The following ATRNL1 variants were observed in gnomAD, a reference collection of about 807,000 sequenced individuals.
ATRNL1 encodes the protein attractin-like protein 1.
Under a neutral mutation model 182.7 loss-of-function variants are expected in ATRNL1, and 95 were observed. That is an observed-to-expected ratio of 0.52 (90% confidence interval 0.44 to 0.62). The LOEUF (loss-of-function observed/expected upper bound fraction) is 0.62. Ranked by LOEUF, ATRNL1 falls within the 20% of genes least tolerant of loss-of-function variation. The probability of loss-of-function intolerance (pLI) is 0.00; values close to 1 mark genes in which losing one functional copy is unlikely to be tolerated. For missense variants in ATRNL1, 1,471 were observed against 1,679.5 expected (o/e 0.88, Z 2.17); for synonymous variants, 576 against 568.3 (o/e 1.01, Z -0.19).
chr10:115,137,409 G>A (rs1466801961), intron 5 of ATRNL1, among the ~76,000 whole-genome samples: 1 of 152,184 alleles, frequency 6.6e-6, no homozygotes, highest in Non-Finnish European at 1.5e-5. Context: ...CTTGCAGCTA[G>A]TATGGCTATG....
chr10:115,381,432 A>ATTTT lies in ATRNL1; in HGVS notation c.3176-13213_3176-13210dup, dbSNP rs375127246. Among the ~76,000 whole-genome samples the ATTTT allele has an allele frequency of 3.1e-4, 21 of 68,542 alleles. 2 individuals carry two copies. Among genetic ancestry groups the ATTTT allele is most frequent in the Non-Finnish European group, 5.1e-4 (17 of 33,016 alleles). The allele number at this position is 68,542 out of a possible 152,430, so 45.0% of individuals were successfully genotyped here. A position where few individuals can be genotyped will look rare whatever the true frequency, so the allele number is the denominator to read the frequency against. On this transcript the variant is annotated intron_variant, in intron 19 of 28. Transcript: ENST00000355044. ...CAGGCACATGCCACCATACCTGGCA[A>ATTTT]TTTTTTTTTTTTTTTTTAGTAGACA...
intron 20 of ATRNL1, among the ~76,000 whole-genome samples, chr10:115,411,586 A>G (rs1258576185): frequency 9.2e-5 from 14 of 151,728 alleles, no homozygotes; most frequent in Non-Finnish European, 1.9e-4. Flanking sequence ...TAATTAAGCC[A>G]TTACAGAAGA....
intron 21 of ATRNL1, among the ~76,000 whole-genome samples, chr10:115,449,210 G>A (rs1161286379): frequency 1.3e-5 from 2 of 152,126 alleles, no homozygotes; most frequent in African/African-American, 4.8e-5. Flanking sequence ...AAAACCACAG[G>A]CTCCACTGGC....
intron 28 of ATRNL1, among the ~76,000 whole-genome samples, chr10:115,925,038 G>A (rs1255255748): frequency 6.6e-6 from 1 of 152,010 alleles, no homozygotes; most frequent in Admixed American, 6.6e-5. Flanking sequence ...TCATGATTTG[G>A]CCCCCTGCTT....
At position 115,248,089 on chromosome 10, in the gene ATRNL1, G is replaced by T. The variant is rs563813997; in HGVS notation, c.1687+6364G>T. Among the ~76,000 whole-genome samples the T allele has an allele frequency of 3.5e-4, 53 of 152,230 alleles. No individual in the cohort carries two copies. In the South Asian group the frequency reaches 5.6e-3, roughly 16 times the overall value. ...ATACAAAATTACAGCTAGATAGGAG[G>T]AATACATTGTAGTGTTCTATACCAG... On this transcript the variant is annotated intron_variant, in intron 10 of 28. Coordinates refer to ENST00000355044, the MANE Select transcript of ATRNL1 (RefSeq NM_207303.4).
rs575767073 is a variant in ATRNL1 at position 115,225,799 on chromosome 10, T to C, written c.1532+9919T>C. Among the ~76,000 whole-genome samples, 5 of 151,552 alleles carry C rather than the reference T, an allele frequency of 3.3e-5. No homozygotes were observed. In the East Asian group the frequency reaches 9.8e-4, roughly 30 times the overall value. On this transcript the variant is annotated intron_variant, in intron 9 of 28. Transcript: ENST00000355044. ...TATGCAGATGTCTATTCTGCCCAAA[T>C]TGATCTGTAGATTTAATGTGATCCC...
At chr10:115,283,733 A>G (rs1554917747) in intron 14 of ATRNL1, among the ~76,000 whole-genome samples, 1 of 152,220 alleles carries the variant, frequency 6.6e-6, no homozygotes, top group East Asian at 1.9e-4. Flanking sequence ...GAAGGAATGT[A>G]TACATTTCAA....
intron 26 of ATRNL1, among the ~76,000 whole-genome samples, chr10:115,619,239 G>T (rs1349573852): frequency 6.6e-5 from 10 of 152,184 alleles, no homozygotes; most frequent in Non-Finnish European, 1.2e-4. Context: ...CTACTGAAGG[G>T]AGTGGGTTTG....
At chr10:115,639,716 A>T (rs1486828064) in intron 26 of ATRNL1, among the ~76,000 whole-genome samples, 1 of 152,218 alleles carries the variant, frequency 6.6e-6, no homozygotes, top group Non-Finnish European at 1.5e-5. Flanking sequence ...TAAATAAATC[A>T]AAATAGATTC....
intron 24 of ATRNL1, among the ~76,000 whole-genome samples, chr10:115,474,144 T>A (rs1848428118): frequency 6.6e-6 from 1 of 151,416 alleles, no homozygotes; most frequent in Admixed American, 6.6e-5. Context: ...TATTGTAAGG[T>A]AGACCTAGTA....
intron 19 of ATRNL1, among the ~76,000 whole-genome samples, chr10:115,368,836 C>A (rs1857225040): frequency 6.6e-6 from 1 of 151,874 alleles, no homozygotes; most frequent in African/African-American, 2.4e-5. Context: ...GCCTGAGCCT[C>A]CTGAGTAGCT....
At chr10:115,870,229 C>T (rs1951549390) in intron 28 of ATRNL1, among the ~76,000 whole-genome samples, 1 of 152,150 alleles carries the variant, frequency 6.6e-6, no homozygotes, top group Non-Finnish European at 1.5e-5. Context: ...ATACTCTCTC[C>T]CTAAGGAAAA....
chr10:115,766,095 G>T (rs1948853609), intron 27 of ATRNL1, among the ~76,000 whole-genome samples: 1 of 152,032 alleles, frequency 6.6e-6, no homozygotes, highest in African/African-American at 2.4e-5. Flanking sequence ...AAAAAGCAGA[G>T]ATTTTTTTTA....
chr10:115,645,523 T>C (rs1377680664), intron 26 of ATRNL1, among the ~76,000 whole-genome samples: 1 of 148,816 alleles, frequency 6.7e-6, no homozygotes, highest in African/African-American at 2.4e-5. Flanking sequence ...AAAAAATATA[T>C]ATCCCTCTGG....
At chr10:115,918,037 TA>T (rs1306453280) in intron 28 of ATRNL1, among the ~76,000 whole-genome samples, 2 of 148,376 alleles carry the variant, frequency 1.3e-5, no homozygotes, top group Non-Finnish European at 3.0e-5. Context: ...TGCTGCAAAA[TA>T]AAAAAAAATC....
At chr10:115,586,778 TTTGTTCCA>T (rs1282473386) in intron 26 of ATRNL1, among the ~76,000 whole-genome samples, 1 of 117,682 alleles carries the variant, frequency 8.5e-6, no homozygotes, top group Non-Finnish European at 1.9e-5. Context: ...TCCGTCCAGC[TTTGTTCCA>T]TTGCTGGTGA....
rs1434988716 is a variant in ATRNL1 at position 115,245,020 on chromosome 10, C to G, written c.1687+3295C>G. On this transcript the variant is annotated intron_variant, in intron 10 of 28. Coordinates refer to ENST00000355044, the MANE Select transcript of ATRNL1 (RefSeq NM_207303.4). Reference sequence around the variant, plus strand: ...AATAATCGAGTTTTCAAAATAAATTCCCTGAACATAGTGGTTTACTTATGA... The same window carrying G: ...AATAATCGAGTTTTCAAAATAAATTGCCTGAACATAGTGGTTTACTTATGA... Among the ~76,000 whole-genome samples, 7 of 151,992 alleles carry G rather than the reference C, an allele frequency of 4.6e-5. No homozygotes were observed. In the East Asian group the frequency reaches 9.6e-4, roughly 21 times the overall value.
In ATRNL1 at chr10:115,536,274, C is replaced by T. The variant is rs539360892; in HGVS notation, c.3717-13184C>T. Among the ~76,000 whole-genome samples the T allele has an allele frequency of 2.6e-5, 4 of 152,346 alleles. No homozygotes were observed. In the East Asian group the frequency reaches 7.7e-4, roughly 29 times the overall value. ...TGTGGTGGGCTCCACCCAGTTCAAG[C>T]TTCCCAGATTCTTTGTTTACCTAAG... is the stretch of plus-strand genomic sequence containing the variant. On this transcript the variant is annotated intron_variant, in intron 25 of 28. Transcript: ENST00000355044.
intron 26 of ATRNL1, among the ~76,000 whole-genome samples, chr10:115,643,359 G>T (rs1236298530): frequency 6.6e-6 from 1 of 151,956 alleles, no homozygotes; most frequent in African/African-American, 2.4e-5. Context: ...TAAACGTAAA[G>T]CTGAAAATCA....
Sources: allele counts gnomAD v4.1 joint callset (sites outside exome capture counted in the v4.1 genomes callset), GRCh38; gene constraint gnomAD v4.1.1; transcripts MANE v1.5; gene names NCBI Gene and HGNC (gene_info 2026-07-23, HGNC 2026-07-21).